The following NRXN1 variants were observed in gnomAD, a reference collection of about 807,000 sequenced individuals.
NRXN1 encodes neurexin-1.
Under a neutral mutation model 150.9 loss-of-function variants are expected in NRXN1, and 39 were observed. The observed-to-expected ratio is 0.26, with a 90% CI of 0.20 to 0.34. NRXN1 has a LOEUF of 0.34. Among genes scored for constraint, NRXN1 ranks in the 10% least tolerant of loss-of-function variants. NRXN1 has a pLI of 1.00. For missense variants in NRXN1, 1,815 were observed against 1,949.9 expected (o/e 0.93, Z 1.30); for synonymous variants, 924 against 757.0 (o/e 1.22, Z -3.62).
At chr2:50,063,637 T>G (rs1414426066) in intron 19 of NRXN1, among the ~76,000 whole-genome samples, 3 of 151,876 alleles carry the variant, frequency 2.0e-5, no homozygotes, top group Non-Finnish European at 4.4e-5. Context: ...CTTATACATT[T>G]CTCAAGGAAG....
intron 2 of NRXN1, among the ~76,000 whole-genome samples, chr2:50,954,009 G>A (rs1429670055): frequency 1.3e-5 from 2 of 152,068 alleles, no homozygotes; most frequent in Non-Finnish European, 2.9e-5. Context: ...TTCAAGGTAG[G>A]AACTCCTTAG....
At chr2:50,770,520 T>C (rs1329624408) in intron 5 of NRXN1, among the ~76,000 whole-genome samples, 2 of 152,080 alleles carry the variant, frequency 1.3e-5, no homozygotes, top group Non-Finnish European at 2.9e-5. Flanking sequence ...CCCATCTTAA[T>C]ATGGACTTTG....
chr2:50,970,916 T>C (rs1694895537), intron 2 of NRXN1, among the ~76,000 whole-genome samples: 1 of 152,136 alleles, frequency 6.6e-6, no homozygotes, highest in Non-Finnish European at 1.5e-5. Context: ...TCTTTAAACT[T>C]TGCTTTTATA....
intron 5 of NRXN1, among the ~76,000 whole-genome samples, chr2:50,818,704 G>A (rs1467029140): frequency 6.6e-6 from 1 of 152,006 alleles, no homozygotes; most frequent in African/African-American, 2.4e-5. Flanking sequence ...AAGCATATGT[G>A]CAGTAAAGGA....
chr2:50,584,623 T>A (rs1035024830), intron 8 of NRXN1, among the ~76,000 whole-genome samples: 1 of 152,204 alleles, frequency 6.6e-6, no homozygotes, highest in Non-Finnish European at 1.5e-5. Flanking sequence ...AAAGTGCAAG[T>A]GGTGGAGCAA....
At chr2:50,616,673 G>C (rs1474621802) in intron 8 of NRXN1, among the ~76,000 whole-genome samples, 1 of 152,082 alleles carries the variant, frequency 6.6e-6, no homozygotes, top group African/African-American at 2.4e-5. Context: ...CTCTAGGTCT[G>C]TTTCCCCAAA....
chr2:50,677,032 G>T (rs919707232), intron 5 of NRXN1, among the ~76,000 whole-genome samples: 6 of 151,948 alleles, frequency 3.9e-5, no homozygotes, highest in African/African-American at 1.5e-4. Context: ...ATCTACCATT[G>T]TTCTCATCCT....
intron 21 of NRXN1, among the ~76,000 whole-genome samples, chr2:50,014,256 G>A (rs1686203127): frequency 6.6e-6 from 1 of 151,958 alleles, no homozygotes; most frequent in Non-Finnish European, 1.5e-5. Flanking sequence ...GCTATTTGAG[G>A]ATTAGTTACC....
At chr2:50,320,005 A>T (rs959439930) in intron 17 of NRXN1, among the ~76,000 whole-genome samples, 7 of 151,858 alleles carry the variant, frequency 4.6e-5, no homozygotes, top group Non-Finnish European at 1.0e-4. Flanking sequence ...CAAGAGGTAC[A>T]CAGGTAAAGG....
intron 16 of NRXN1, among the ~76,000 whole-genome samples, chr2:50,466,238 T>C (rs2088830853): frequency 6.6e-6 from 1 of 151,706 alleles, no homozygotes; most frequent in Non-Finnish European, 1.5e-5. Flanking sequence ...AAAAGCATGA[T>C]CAAAGCACTA....
chr2:50,202,256 C>T (rs1559082365), intron 18 of NRXN1, among the ~76,000 whole-genome samples: 1 of 152,160 alleles, frequency 6.6e-6, no homozygotes, highest in African/African-American at 2.4e-5. Context: ...CCTGTAATCC[C>T]GCCACTTTTG....
chr2:50,840,446 A>G (rs1455810986), intron 5 of NRXN1, among the ~76,000 whole-genome samples: 1 of 152,132 alleles, frequency 6.6e-6, no homozygotes, highest in Non-Finnish European at 1.5e-5. Context: ...CACCGCTGAG[A>G]CGAACATCTT....
At chr2:50,255,961 A>G (rs1181633033) in intron 17 of NRXN1, among the ~76,000 whole-genome samples, 1 of 152,178 alleles carries the variant, frequency 6.6e-6, no homozygotes, top group Non-Finnish European at 1.5e-5. Flanking sequence ...CTGAAGTCAC[A>G]GTCATATGAC....
At chr2:50,483,932 T>C (rs566570732) in intron 15 of NRXN1, among the ~76,000 whole-genome samples, 1 of 152,344 alleles carries the variant, frequency 6.6e-6, no homozygotes, top group East Asian at 1.9e-4. Context: ...TTTTCTTATT[T>C]GAAAGACAGG....
At chr2:50,326,901 C>A (rs1008564768) in intron 17 of NRXN1, among the ~76,000 whole-genome samples, 13 of 152,184 alleles carry the variant, frequency 8.5e-5, no homozygotes, top group Admixed American at 7.2e-4. Flanking sequence ...ATTTTTTAAA[C>A]TGACAATACT....
intron 15 of NRXN1, among the ~76,000 whole-genome samples, chr2:50,492,626 C>T (rs1034264640): frequency 6.6e-6 from 1 of 152,114 alleles, no homozygotes; most frequent in African/African-American, 2.4e-5. Context: ...CCCCAACTCC[C>T]GGGTCCTATG....
chr2:50,190,613 C>CTTTTTTTT (rs11427672), intron 18 of NRXN1, among the ~76,000 whole-genome samples: 2 of 132,528 alleles, frequency 1.5e-5, no homozygotes, highest in African/African-American at 5.6e-5. Context: ...CTTTTTTTTT[C>CTTTTTTTT]TTTTTTTTTT....
At chr2:50,111,143 T>C (rs998144704) in intron 18 of NRXN1, among the ~76,000 whole-genome samples, 1 of 152,138 alleles carries the variant, frequency 6.6e-6, no homozygotes, top group Non-Finnish European at 1.5e-5. Flanking sequence ...GAAATGATAA[T>C]TTGCCAATGA....
Position 50,312,804 on chromosome 2 carries a change from A to G in NRXN1, c.3365-75834T>C, listed in dbSNP as rs750847327. ...TCACCAGCTAAAAATAAACAAAAAC[A>G]AACAATGGTAAAATTAAACCACCCT... is the stretch of plus-strand genomic sequence containing the variant. On this transcript the variant is annotated intron_variant, in intron 17 of 22. Coordinates refer to ENST00000401669, the MANE Select transcript of NRXN1 (RefSeq NM_001330078.2). 3 of 503,950 alleles carry G rather than the reference A, an allele frequency of 6.0e-6. No individual in the cohort carries two copies. The Admixed American group carries it at 6.1e-5, about 10-fold the overall frequency. The allele number at this position is 503,950 out of a possible 1,614,324, so 31.2% of individuals were successfully genotyped here. A position where few individuals can be genotyped will look rare whatever the true frequency, so the allele number is the denominator to read the frequency against.
Sources: allele counts gnomAD v4.1 joint callset (sites outside exome capture counted in the v4.1 genomes callset), GRCh38; gene constraint gnomAD v4.1.1; transcripts MANE v1.5; gene names NCBI Gene and HGNC (gene_info 2026-07-23, HGNC 2026-07-21).